CRAT: variants seen among roughly 807,000 people sequenced by gnomAD.
CRAT encodes the protein carnitine O-acetyltransferase, also known as carnitine acetylase.
CRAT carries 66 observed loss-of-function variants against 73.7 expected under a neutral mutation model. The observed-to-expected ratio is 0.90, with a 90% CI of 0.73 to 1.10. The LOEUF (loss-of-function observed/expected upper bound fraction) is 1.10. Ranked by LOEUF, CRAT falls within the 50% of genes least tolerant of loss-of-function variation. The pLI is 0.00. For synonymous variants in CRAT, 321 were observed against 343.2 expected (o/e 0.94, Z 0.71); for missense variants, 745 against 846.9 (o/e 0.88, Z 1.49).
chr9:129,109,192 C>T (rs575772012), intron 1 of CRAT: 23 of 1,304,204 alleles, frequency 1.8e-5, no homozygotes, highest in East Asian at 1.1e-4. Flanking sequence ...TCAGAATCTG[C>T]GAAGATCGTT....
chr9:129,106,867 C>A lies in CRAT; in HGVS notation c.291+947G>T, dbSNP rs2131490738. Among the ~76,000 whole-genome samples the A allele has an allele frequency of 6.6e-6, 1 of 152,296 alleles. No homozygotes were observed. The highest frequency in any genetic ancestry group is 3.4e-3 in the Middle Eastern group (1 of 294). On this transcript the variant is annotated intron_variant, in intron 2 of 13. Coordinates refer to ENST00000318080, the MANE Select transcript of CRAT (RefSeq NM_000755.5). The surrounding 1 kb of genome is among the most constrained non-coding windows in gnomAD (Gnocchi z 4.0). ...TTGGCAAATTCCACCCGTGCCCCCA[C>A]CTCATTGGCAAGTGACACTGGCACT...
At chr9:129,108,241 G>A (rs1848145253) in intron 1 of CRAT, among the ~76,000 whole-genome samples, 164 bp from the exon 2 acceptor site, 1 of 152,170 alleles carries the variant, frequency 6.6e-6, no homozygotes, top group South Asian at 2.1e-4. Flanking sequence ...AGGTGTCCCC[G>A]CCTCTCTGGG....
chr9:129,106,553 G>C lies in CRAT; in HGVS notation c.291+1261C>G, dbSNP rs992174696. On this transcript the variant is annotated intron_variant, in intron 2 of 13. Transcript: ENST00000318080. This position sits in a 1 kb window ranked among gnomAD's most constrained non-coding sequence, Gnocchi z 4.0. Reference sequence around the variant, plus strand: ...CCCACCCCTTTAACCAGGAGCTTCTGTTTGAAGGAGTCCCAGGCTAAATGA... The same window carrying C: ...CCCACCCCTTTAACCAGGAGCTTCTCTTTGAAGGAGTCCCAGGCTAAATGA... 8.5e-5 allele frequency among the ~76,000 whole-genome samples: 13 copies of C among 152,158 alleles called. No individual in the cohort carries two copies. The highest frequency in any genetic ancestry group is 2.9e-4 in the African/African-American group (12 of 41,430).
Position 129,107,918 on chromosome 9 carries a change from ACTC to A in CRAT, c.184_186del (p.Glu62del), listed in dbSNP as rs763651233. ...TCCACCAGCTGCTTGGTGTGGGCCC[ACTC>A]CTCCTCACTCACGATGGGCTGCAGC... On this transcript the variant is annotated inframe_deletion, in exon 2 of 14. Transcript: ENST00000318080. This position sits in a 1 kb window ranked among gnomAD's most constrained non-coding sequence, Gnocchi z 5.0. The A allele has an allele frequency of 1.4e-5, 23 of 1,609,338 alleles. No homozygotes were observed. The highest frequency in any genetic ancestry group is 2.2e-5 in the South Asian group (2 of 91,002).
chr9:129,103,080 T>G lies in CRAT; in HGVS notation c.411-14A>C. ...TTGGCAGCAAATCTGGAAAGATTGA[T>G]TAGAGATTAGAAGCTGCGTGGACAC... is the stretch of plus-strand genomic sequence containing the variant. On this transcript the variant is annotated splice_polypyrimidine_tract_variant and intron_variant, in intron 3 of 13. Transcript: ENST00000318080. This position sits in a 1 kb window ranked among gnomAD's most constrained non-coding sequence, Gnocchi z 4.6. 1 of 1,613,274 alleles carries G rather than the reference T, an allele frequency of 6.2e-7. No homozygotes were observed. The highest frequency in any genetic ancestry group is 8.5e-7 in the Non-Finnish European group (1 of 1,179,244).
intron 8 of CRAT, among the ~76,000 whole-genome samples, chr9:129,099,590 G>C (rs3118637): frequency 0.96 from 143,777 of 150,470 alleles, 69,004 homozygotes; most frequent in Non-Finnish European, 1. Context: ...CCACACCTGG[G>C]TAATTTTTTT....
At position 129,095,345 on chromosome 9, in the gene CRAT, C is replaced by A; in HGVS notation, c.*52G>T. 1 of 1,577,014 alleles carries A rather than the reference C, an allele frequency of 6.3e-7. No individual in the cohort carries two copies. Among genetic ancestry groups the A allele is most frequent in the South Asian group, 1.1e-5 (1 of 90,322 alleles). On this transcript the variant is annotated 3_prime_UTR_variant, in exon 14 of 14. Coordinates refer to ENST00000318080, the MANE Select transcript of CRAT (RefSeq NM_000755.5). ...AAGGAGCTGAGCCCTGGTGGGTGGC[C>A]CATCCCAGGGTGGGCTTGGCTGTGG...
rs1033474103 is a variant in CRAT at position 129,097,461 on chromosome 9, C to A, written c.1465-149G>T. ...CGGTGGCTCACGCCTGTAATCCCAG[C>A]ACTTTGGGAGGCCGAGGCAGGTGGA... On this transcript the variant is annotated intron_variant, in intron 11 of 13. Coordinates refer to ENST00000318080, the MANE Select transcript of CRAT (RefSeq NM_000755.5). 4 of 565,182 alleles carry A rather than the reference C, an allele frequency of 7.1e-6. No homozygotes were observed. In the African/African-American group the frequency reaches 7.8e-5, roughly 11 times the overall value. The allele number at this position is 565,182 out of a possible 1,614,324, so 35.0% of individuals were successfully genotyped here. A position where few individuals can be genotyped will look rare whatever the true frequency, so the allele number is the denominator to read the frequency against.
At chr9:129,096,999 C>T (rs1290738979) in intron 12 of CRAT, among the ~76,000 whole-genome samples, 10 of 149,756 alleles carry the variant, frequency 6.7e-5, no homozygotes, top group African/African-American at 2.5e-4. Flanking sequence ...ACCTGGGAGG[C>T]GGAGGTTGCA....
In CRAT at chr9:129,110,190, C is replaced by CGGATG. The variant is rs1277266258; in HGVS notation, c.27+292_27+293insCATCC. ...GTCTGGATGCTCCTGGTCTCTCTCC[C>CGGATG]CTACCGGCCTGTCTCTGGGTCTAAG... is the stretch of plus-strand genomic sequence containing the variant. On this transcript the variant is annotated intron_variant, in intron 1 of 13. Transcript: ENST00000318080. This position sits in a 1 kb window ranked among gnomAD's most constrained non-coding sequence, Gnocchi z 5.3. Among the ~76,000 whole-genome samples the CGGATG allele has an allele frequency of 6.6e-5, 10 of 152,240 alleles. No homozygotes were observed. In the South Asian group the frequency reaches 1.5e-3, roughly 22 times the overall value.
chr9:129,109,129 G>A (rs1389805852), intron 1 of CRAT: 1 of 1,303,688 alleles, frequency 7.7e-7, no homozygotes, highest in East Asian at 5.5e-5. Context: ...TTTCTTCTCT[G>A]CATGGGCTCA....
chr9:129,110,738 G>T lies in CRAT; in HGVS notation c.-229C>A. 1 of 605,558 alleles carries T rather than the reference G, an allele frequency of 1.7e-6. No homozygotes were observed. Among genetic ancestry groups the T allele is most frequent in the Non-Finnish European group, 2.7e-6 (1 of 373,780 alleles). The allele number at this position is 605,558 out of a possible 1,614,324, so 37.5% of individuals were successfully genotyped here. ...GGACTCGCGAGGCGGGGCCTGGGCC[G>T]GTAGCGGGCCCCGGGCGGGCAACGG... is the stretch of plus-strand genomic sequence containing the variant. On this transcript the variant is annotated 5_prime_UTR_variant, in exon 1 of 14. Transcript: ENST00000318080. This position sits in a 1 kb window ranked among gnomAD's most constrained non-coding sequence, Gnocchi z 5.3.
rs535578765 is a variant in CRAT at position 129,095,536 on chromosome 9, A to T, written c.1742T>A (p.Met581Lys). 1.9e-6 allele frequency: 3 copies of T among 1,613,382 alleles called. No homozygotes were observed. The highest frequency in any genetic ancestry group is 2.5e-6 in the Non-Finnish European group (3 of 1,180,010). Residue 581 changes from methionine (M) to lysine (K), a missense_variant, in exon 14 of 14, where the codon ATG becomes AAG. Met to Lys is a moderately conservative substitution (Grantham distance 95). Coordinates refer to ENST00000318080, the MANE Select transcript of CRAT (RefSeq NM_000755.5). Reference sequence around the variant, plus strand: ...CAGGGAGAAGTTGATGTGGGCCTCCATGGGGTTATAGCAGACACCGTAGCC... The same window carrying T: ...CAGGGAGAAGTTGATGTGGGCCTCCTTGGGGTTATAGCAGACACCGTAGCC... ...PDGYGVCYNPMEAHINFSLSA... is the reference protein window; with the variant it reads ...PDGYGVCYNPKEAHINFSLSA...
chr9:129,099,326 G>T (rs2131451029), intron 8 of CRAT, among the ~76,000 whole-genome samples: 2 of 151,732 alleles, frequency 1.3e-5, no homozygotes, highest in South Asian at 4.2e-4. Context: ...TAGAGACAGG[G>T]TTTCACCATG....
chr9:129,110,465 G>A lies in CRAT; in HGVS notation c.27+18C>T, dbSNP rs758711897. On this transcript the variant is annotated intron_variant, in intron 1 of 13. Coordinates refer to ENST00000318080, the MANE Select transcript of CRAT (RefSeq NM_000755.5). The surrounding 1 kb of genome is among the most constrained non-coding windows in gnomAD (Gnocchi z 5.3). ...CAGGCCGTCCAGGGCCCTCAGGCCC[G>A]GGATCCGCCGCACTCACCACGGTCC... 2.5e-6 allele frequency: 4 copies of A among 1,577,576 alleles called. No individual in the cohort carries two copies. The highest frequency in any genetic ancestry group is 4.8e-5 in the East Asian group (2 of 41,482).
At chr9:129,095,710 TG>T in intron 13 of CRAT, 98 bp from the exon 14 acceptor site, 2 of 1,260,670 alleles carry the variant, frequency 1.6e-6, no homozygotes, top group Non-Finnish European at 2.2e-6. Context: ...AGGCCCCTTG[TG>T]GGCAGGGATC....
intron 2 of CRAT, among the ~76,000 whole-genome samples, chr9:129,104,770 AT>A (rs1056222546): frequency 1.3e-5 from 2 of 150,260 alleles, no homozygotes; most frequent in East Asian, 3.9e-4. Flanking sequence ...ACACCTGGCT[AT>A]TTTTTTGTAT....
At position 129,106,478 on chromosome 9, in the gene CRAT, G is replaced by C. The variant is rs758279279; in HGVS notation, c.291+1336C>G. ...GTACTCCCCCAGCGAGAATCTGCCAGGTGGTGGCGGAGACCCTTCGGTGGC... is the reference window on the plus strand; with the variant it reads ...GTACTCCCCCAGCGAGAATCTGCCACGTGGTGGCGGAGACCCTTCGGTGGC... On this transcript the variant is annotated intron_variant, in intron 2 of 13. Transcript: ENST00000318080. This position sits in a 1 kb window ranked among gnomAD's most constrained non-coding sequence, Gnocchi z 4.0. Among the ~76,000 whole-genome samples the C allele has an allele frequency of 1.3e-5, 2 of 152,174 alleles. No homozygotes were observed. The highest frequency in any genetic ancestry group is 2.9e-5 in the Non-Finnish European group (2 of 68,024).
chr9:129,105,045 C>T (rs1177792617), intron 2 of CRAT, among the ~76,000 whole-genome samples: 12 of 147,132 alleles, frequency 8.2e-5, no homozygotes, highest in East Asian at 2.1e-4. Flanking sequence ...GGACTACAGG[C>T]GCCCGCCACT....
Sources: gnomAD v4.1 joint callset for allele counts (sites outside exome capture counted in the v4.1 genomes callset) on GRCh38, gnomAD v4.1.1 for gene constraint, Gnocchi (gnomAD v3.1) non-coding constraint, MANE v1.5 for transcripts, NCBI Gene and HGNC (gene_info 2026-07-23, HGNC 2026-07-21) for gene names.